The following BMPR2 variants were observed in gnomAD, a reference collection of about 807,000 sequenced individuals.
BMPR2 encodes the protein bone morphogenetic protein receptor type 2, also known as bone morphogenetic protein receptor type-2.
BMPR2 carries 29 observed loss-of-function variants against 100.8 expected under a neutral mutation model. The observed-to-expected ratio is 0.29, with a 90% CI of 0.21 to 0.39. The LOEUF (loss-of-function observed/expected upper bound fraction) is 0.39. Among genes scored for constraint, BMPR2 ranks in the 10% least tolerant of loss-of-function variants. The probability of loss-of-function intolerance (pLI) is 1.00; values close to 1 mark genes in which losing one functional copy is unlikely to be tolerated. For synonymous variants in BMPR2, 382 were observed against 442.3 expected, an observed-to-expected ratio of 0.86 and a Z score of 1.71; for missense variants, 1,011 against 1,274.5, an observed-to-expected ratio of 0.79 and a Z score of 3.15.
intron 1 of BMPR2, among the ~76,000 whole-genome samples, chr2:202,409,715 G>A (rs1466716005): frequency 6.6e-6 from 1 of 152,092 alleles, no homozygotes; most frequent in Non-Finnish European, 1.5e-5. Flanking sequence ...AAGGGGTTGG[G>A]GAAGAAAATA....
intron 5 of BMPR2, among the ~76,000 whole-genome samples, chr2:202,517,335 C>CTTTTTTT (rs527237940): frequency 7.4e-6 from 1 of 135,404 alleles, no homozygotes. Context: ...GTTATTTTAT[C>CTTTTTTT]TTTTTTTTTT....
Position 202,402,648 on chromosome 2 carries a change from T to TTGTGTG in BMPR2, c.76+25120_76+25125dup, listed in dbSNP as rs113771026. On this transcript the variant is annotated intron_variant, in intron 1 of 12. Transcript: ENST00000374580. The stretch of plus-strand genomic sequence containing the variant: ...AACAATACTGATAGCAAAACTTGCA[T>TTGTGTG]TGTGTGTGTGTGTGTGTGTGTGTGT... Among the ~76,000 whole-genome samples, 140 of 146,432 alleles carry TTGTGTG rather than the reference T, an allele frequency of 9.6e-4. 1 individual carries two copies. The highest frequency in any genetic ancestry group is 2.4e-3 in the South Asian group (11 of 4,536).
At chr2:202,499,511 A>G (rs1316190354) in intron 3 of BMPR2, among the ~76,000 whole-genome samples, 1 of 152,170 alleles carries the variant, frequency 6.6e-6, no homozygotes, top group Middle Eastern at 3.2e-3. Context: ...ACTAAGGAGA[A>G]TTACAAAAAA....
intron 7 of BMPR2, among the ~76,000 whole-genome samples, chr2:202,530,397 G>A (rs1687999748): frequency 6.6e-6 from 1 of 151,912 alleles, no homozygotes; most frequent in Non-Finnish European, 1.5e-5. Context: ...TAAGATTTAC[G>A]TTAAAATTTT....
intron 1 of BMPR2, among the ~76,000 whole-genome samples, chr2:202,413,720 A>G (rs2105918810): frequency 6.6e-6 from 1 of 151,694 alleles, no homozygotes; most frequent in South Asian, 2.1e-4. Context: ...GCTGGAGTAC[A>G]GTAGTGTTAT....
chr2:202,407,856 C>T (rs1045542204), intron 1 of BMPR2, among the ~76,000 whole-genome samples: 2 of 149,898 alleles, frequency 1.3e-5, no homozygotes, highest in South Asian at 2.1e-4. Context: ...TTTTTGGAGA[C>T]GGAGTCTCGC....
At chr2:202,407,738 GAGTTCC>G (rs1167273578) in intron 1 of BMPR2, among the ~76,000 whole-genome samples, 26 of 151,338 alleles carry the variant, frequency 1.7e-4, no homozygotes, top group African/African-American at 6.3e-4. Context: ...CTGGGCGACG[GAGTTCC>G]GTCTCAAAAC....
At chr2:202,405,710 AAGC>A (rs903265308) in intron 1 of BMPR2, among the ~76,000 whole-genome samples, 14 of 149,548 alleles carry the variant, frequency 9.4e-5, no homozygotes, top group African/African-American at 2.5e-4. Flanking sequence ...AAAAAAAAAA[AAGC>A]AGGGAAAATG....
chr2:202,435,384 T>C lies in BMPR2; in HGVS notation c.77-29425T>C, dbSNP rs13430855. ...GTCTCAAAAAAAAAATACATATATATATATATATATATATATATATATATG... is the reference window on the plus strand; with the variant it reads ...GTCTCAAAAAAAAAATACATATATACATATATATATATATATATATATATG... On this transcript the variant is annotated intron_variant, in intron 1 of 12. Coordinates refer to ENST00000374580, the MANE Select transcript of BMPR2 (RefSeq NM_001204.7). Among the ~76,000 whole-genome samples, 64 of 133,662 alleles carry C rather than the reference T, an allele frequency of 4.8e-4. No individual in the cohort carries two copies. In the South Asian group the frequency reaches 0.012, roughly 26 times the overall value. 87.7% of individuals were successfully genotyped at this position (133,662 alleles called of 152,430 possible). A position where few individuals can be genotyped will look rare whatever the true frequency, so the allele number is the denominator to read the frequency against.
intron 9 of BMPR2, among the ~76,000 whole-genome samples, chr2:202,539,755 AGG>A (rs1263638100): frequency 1.3e-5 from 2 of 152,076 alleles, no homozygotes; most frequent in Non-Finnish European, 2.9e-5. Context: ...TAATTTGAGA[AGG>A]GAGCTAAAAA....
intron 10 of BMPR2, among the ~76,000 whole-genome samples, chr2:202,545,609 A>T (rs138602754): frequency 1.2e-4 from 18 of 152,320 alleles, no homozygotes; most frequent in African/African-American, 4.3e-4. Flanking sequence ...AAGTGGGGTG[A>T]TGTCATGTCA....
At chr2:202,422,627 A>G (rs1559033590) in intron 1 of BMPR2, among the ~76,000 whole-genome samples, 2 of 151,670 alleles carry the variant, frequency 1.3e-5, no homozygotes, top group South Asian at 2.1e-4. Flanking sequence ...TAAGTTAGCC[A>G]TTTCCAGTGT....
intron 3 of BMPR2, among the ~76,000 whole-genome samples, chr2:202,482,954 C>T (rs767079287): frequency 1.3e-5 from 2 of 151,974 alleles, no homozygotes; most frequent in Non-Finnish European, 2.9e-5. Flanking sequence ...CAAAGTGCGG[C>T]GTGAACCACT....
chr2:202,538,969 A>G (rs976843182), intron 9 of BMPR2, among the ~76,000 whole-genome samples: 3 of 152,162 alleles, frequency 2.0e-5, no homozygotes, highest in Non-Finnish European at 2.9e-5. Context: ...AGTTGTCTAC[A>G]TAGAGATGGT....
chr2:202,462,083 T>A (rs1472605819), intron 1 of BMPR2, among the ~76,000 whole-genome samples: 2 of 152,166 alleles, frequency 1.3e-5, no homozygotes, highest in African/African-American at 4.8e-5. Flanking sequence ...TATTAGAATA[T>A]TTAATTCTCC....
intron 10 of BMPR2, among the ~76,000 whole-genome samples, chr2:202,547,659 T>G (rs1374924521): frequency 6.7e-6 from 1 of 149,774 alleles, no homozygotes; most frequent in Non-Finnish European, 1.5e-5. Context: ...TGTGCATGCC[T>G]GTAATCCCAG....
chr2:202,488,512 G>A (rs1692827499), intron 3 of BMPR2, among the ~76,000 whole-genome samples: 1 of 152,060 alleles, frequency 6.6e-6, no homozygotes, highest in Admixed American at 6.6e-5. Context: ...AGGCTGGAGT[G>A]CGGTGGCATG....
chr2:202,560,960 A>G lies in BMPR2; in HGVS notation c.*1014A>G, dbSNP rs1190740242. ...TTTTAAGTAGGTAAATAAATGGTTA[A>G]GACAAAATAGTGTTATAGCCTTCAT... is the stretch of plus-strand genomic sequence containing the variant. On this transcript the variant is annotated 3_prime_UTR_variant, in exon 13 of 13. Coordinates refer to ENST00000374580, the MANE Select transcript of BMPR2 (RefSeq NM_001204.7). 1.3e-5 allele frequency: 2 copies of G among 152,192 alleles called. No individual in the cohort carries two copies. Among genetic ancestry groups the G allele is most frequent in the Non-Finnish European group, 2.9e-5 (2 of 68,014 alleles). The allele number at this position is 152,192 out of a possible 1,614,324, so 9.4% of individuals were successfully genotyped here.
intron 1 of BMPR2, among the ~76,000 whole-genome samples, chr2:202,385,517 C>T (rs1218096191): frequency 2.0e-5 from 3 of 151,528 alleles, no homozygotes; most frequent in South Asian, 4.2e-4. Context: ...AGGTGTGCGC[C>T]ACCATGTCCG....
Sources: allele counts gnomAD v4.1 joint callset (sites outside exome capture counted in the v4.1 genomes callset), GRCh38; gene constraint gnomAD v4.1.1; transcripts MANE v1.5; gene names NCBI Gene and HGNC (gene_info 2026-07-23, HGNC 2026-07-21).